Variants in NDE1 observed in about 807,000 individuals in gnomAD.
NDE1 encodes the protein nuclear distribution protein nudE homolog 1.
In NDE1, 28 loss-of-function variants were observed where a neutral mutation model predicts 43.4. The observed-to-expected ratio is 0.65, with a 90% CI of 0.48 to 0.89. The LOEUF is 0.89. Ranked by LOEUF, NDE1 falls within the 40% of genes least tolerant of loss-of-function variation. The pLI is 0.00. For synonymous variants in NDE1, 184 were observed against 172.0 expected (o/e 1.07, Z -0.55); for missense variants, 441 against 434.1 (o/e 1.02, Z -0.14).
chr16:15,715,121 C>G (rs1415017092), intron 8 of NDE1: 2 of 1,592,504 alleles, frequency 1.3e-6, no homozygotes, highest in Non-Finnish European at 1.7e-6. Flanking sequence ...GGGAGGCCGG[C>G]TGGGGGCTGG....
intron 1 of NDE1, among the ~76,000 whole-genome samples, chr16:15,659,973 T>C (rs1319339126): frequency 2.0e-5 from 3 of 151,514 alleles, no homozygotes; most frequent in Admixed American, 1.3e-4. Flanking sequence ...GGTCTCAAAC[T>C]CCTGACCTTG....
intron 3 of NDE1, among the ~76,000 whole-genome samples, chr16:15,677,341 T>C (rs1204927148): frequency 6.6e-6 from 1 of 152,036 alleles, no homozygotes; most frequent in Non-Finnish European, 1.5e-5. Flanking sequence ...CCCAGCACTT[T>C]GGGAGGCCGA....
chr16:15,712,882 G>GGTTTTTTTTTTTTTTTTTTTTT (rs2039886822), intron 8 of NDE1: 4 of 90,636 alleles, frequency 4.4e-5, no homozygotes, highest in African/African-American at 1.8e-4. Flanking sequence ...TTCACATACA[G>GGTTTTTTTTTTTTTTTTTTTTT]TTTTTTTTTT....
chr16:15,691,461 G>C (rs942685595), intron 6 of NDE1, 138 bp downstream of exon 6: 2 of 994,268 alleles, frequency 2.0e-6, no homozygotes, highest in South Asian at 1.5e-5. Flanking sequence ...GCAGAGAGTA[G>C]ACTGGGATGT....
intron 8 of NDE1, among the ~76,000 whole-genome samples, chr16:15,707,926 T>G (rs1290150631): frequency 2.1e-5 from 3 of 142,578 alleles, no homozygotes; most frequent in African/African-American, 8.0e-5. Flanking sequence ...GAGCCAAGAT[T>G]GCGCCATTGC....
chr16:15,704,155 A>G, intron 8 of NDE1: 1 of 1,613,004 alleles, frequency 6.2e-7, no homozygotes. Context: ...ATTATTTAGC[A>G]AAGAAATCTT....
chr16:15,724,483 G>T lies in NDE1; in HGVS notation c.*232G>T. 1 of 1,609,040 alleles carries T rather than the reference G, an allele frequency of 6.2e-7. No individual in the cohort carries two copies. On this transcript the variant is annotated 3_prime_UTR_variant, in exon 9 of 9. Coordinates refer to ENST00000396354, the MANE Select transcript of NDE1 (RefSeq NM_017668.3). ...CCCTGTCCCTGGCCCCACAGACTCT[G>T]AGAAGCGAAGACCATGTCTCCTCGT...
At chr16:15,703,755 A>C in intron 8 of NDE1, 1 of 562,066 alleles carries the variant, frequency 1.8e-6, no homozygotes, top group South Asian at 1.8e-5. Context: ...CGCCCAGCTT[A>C]TTTTTAAATT....
chr16:15,711,538 T>C (rs530281298), intron 8 of NDE1, among the ~76,000 whole-genome samples: 4 of 152,356 alleles, frequency 2.6e-5, no homozygotes, highest in African/African-American at 4.8e-5. Flanking sequence ...TTTGCCGTTA[T>C]ATTCATGTAT....
At chr16:15,668,797 C>T (rs151092272) in intron 3 of NDE1, among the ~76,000 whole-genome samples, 87 of 152,220 alleles carry the variant, frequency 5.7e-4, no homozygotes, top group Admixed American at 1.1e-3. Context: ...GTGTTGCACT[C>T]TGCCAGTTCA....
intron 6 of NDE1, among the ~76,000 whole-genome samples, chr16:15,693,456 C>CTA: frequency 6.6e-6 from 1 of 152,106 alleles, no homozygotes; most frequent in East Asian, 1.9e-4. Context: ...TGTTAATTAA[C>CTA]TATATGGATT....
intron 6 of NDE1, among the ~76,000 whole-genome samples, chr16:15,693,634 C>G (rs908204470): frequency 2.0e-5 from 3 of 151,672 alleles, no homozygotes; most frequent in Non-Finnish European, 4.4e-5. Flanking sequence ...GACCCTGTCT[C>G]TATTAAAAAA....
intron 5 of NDE1, among the ~76,000 whole-genome samples, chr16:15,690,204 A>C (rs1312468969): frequency 2.0e-5 from 3 of 151,404 alleles, no homozygotes; most frequent in East Asian, 3.9e-4. Context: ...ACCACCACGC[A>C]TGGCTAATTT....
Position 15,687,468 on chromosome 16 carries a change from G to C in NDE1, c.480G>C (p.Glu160Asp), listed in dbSNP as rs1229969643. The change falls in exon 5 of 9, where the codon GAG becomes GAC. Residue 160 changes from glutamate (E) to aspartate (D), a missense_variant. Transcript: ENST00000396354. The stretch of plus-strand genomic sequence containing the variant: ...TGGAAAGTGAACTTGATGAAAAAGA[G>C]AATCTCCTGGAATCTGTTCAGAGAC... ...AFLESELDEKENLLESVQRLK... is the reference protein window; with the variant it reads ...AFLESELDEKDNLLESVQRLK... 1.2e-6 allele frequency: 2 copies of C among 1,614,192 alleles called. No homozygotes were observed. The highest frequency in any genetic ancestry group is 2.2e-5 in the East Asian group (1 of 44,884).
chr16:15,710,107 A>G (rs892339678), intron 8 of NDE1, among the ~76,000 whole-genome samples: 12 of 152,186 alleles, frequency 7.9e-5, no homozygotes, highest in African/African-American at 2.7e-4. Flanking sequence ...CACCTGCATT[A>G]TGTGTGTATT....
At position 15,724,481 on chromosome 16, in the gene NDE1, CTG is replaced by C. The variant is rs1339936364; in HGVS notation, c.*231_*232del. ...GCCCCTGTCCCTGGCCCCACAGACT[CTG>C]AGAAGCGAAGACCATGTCTCCTCGT... On this transcript the variant is annotated 3_prime_UTR_variant, in exon 9 of 9. Transcript: ENST00000396354. The C allele has an allele frequency of 4.3e-6, 7 of 1,609,294 alleles. No individual in the cohort carries two copies. The Admixed American group carries it at 8.3e-5, about 19-fold the overall frequency.
chr16:15,645,265 C>T (rs934800649), upstream of NDE1, among the ~76,000 whole-genome samples: 5 of 152,072 alleles, frequency 3.3e-5, no homozygotes, highest in Non-Finnish European at 5.9e-5. Flanking sequence ...ACCAAGCAGA[C>T]ACATTTTGTT....
intron 8 of NDE1, among the ~76,000 whole-genome samples, chr16:15,710,704 C>T (rs567322095): frequency 1.3e-5 from 2 of 150,690 alleles, no homozygotes; most frequent in Non-Finnish European, 3.0e-5. Context: ...TTTTTGGAGA[C>T]AGAGTCTTGC....
intron 4 of NDE1, chr16:15,687,066 T>G (rs757085761): frequency 1.6e-4 from 196 of 1,242,876 alleles, no homozygotes; most frequent in Middle Eastern, 3.1e-4. Context: ...AGTGGTCTTC[T>G]CAAACCACCA....
Sources: gnomAD v4.1 joint callset for allele counts (sites outside exome capture counted in the v4.1 genomes callset) on GRCh38, gnomAD v4.1.1 for gene constraint, MANE v1.5 for transcripts, NCBI Gene and HGNC (gene_info 2026-07-23, HGNC 2026-07-21) for gene names.